Variants in COL27A1 observed in about 807,000 individuals in gnomAD.
The protein encoded by COL27A1 is collagen alpha-1(XXVII) chain.
Under a neutral mutation model 251.3 loss-of-function variants are expected in COL27A1, and 106 were observed. The ratio of observed to expected loss-of-function variants is 0.42; its 90% CI spans 0.36 to 0.50. COL27A1 has a LOEUF of 0.50. COL27A1 is among the 20% of genes least tolerant of loss of function. The probability of loss-of-function intolerance (pLI) is 0.00; values close to 1 mark genes in which losing one functional copy is unlikely to be tolerated. For synonymous variants in COL27A1, 1,000 were observed against 986.3 expected (o/e 1.01, Z -0.26); for missense variants, 2,325 against 2,522.8 (o/e 0.92, Z 1.68).
intron 19 of COL27A1, among the ~76,000 whole-genome samples, chr9:114,238,318 A>C (rs1055927958): frequency 1.3e-5 from 2 of 152,234 alleles, no homozygotes; most frequent in Non-Finnish European, 2.9e-5. Context: ...AATGTTGCGA[A>C]GCAAGCTGGC....
At chr9:114,179,270 A>G (rs1413700151) in intron 4 of COL27A1, among the ~76,000 whole-genome samples, 3 of 152,148 alleles carry the variant, frequency 2.0e-5, no homozygotes, top group Non-Finnish European at 4.4e-5. Context: ...CCCTGGGCCC[A>G]GGGCTCTGGA....
Position 114,168,982 on chromosome 9 carries a change from C to T in COL27A1, c.1427C>T (p.Thr476Ile). The stretch of plus-strand genomic sequence containing the variant: ...GCCAGTAAGCCGGCCTCTGCCCGCA[C>T]CAGCACCCACAAACCTCCCCCATTT... ...SHASKPASAR[T>I]STHKPPPFTA... Residue 476 changes from threonine (T) to isoleucine (I), a missense_variant, in exon 3 of 61, where the codon ACC becomes ATC. Coordinates refer to ENST00000356083, the MANE Select transcript of COL27A1 (RefSeq NM_032888.4). 1 of 1,614,148 alleles carries T rather than the reference C, an allele frequency of 6.2e-7. No individual in the cohort carries two copies. The highest frequency in any genetic ancestry group is 8.5e-7 in the Non-Finnish European group (1 of 1,180,026).
intron 37 of COL27A1, among the ~76,000 whole-genome samples, chr9:114,278,458 A>ATGGTGG (rs1420703634): frequency 9.0e-5 from 1 of 11,088 alleles, no homozygotes; most frequent in Non-Finnish European, 2.3e-4. Flanking sequence ...GGCACTGATG[A>ATGGTGG]TGGTGGTGGT....
rs1335391667 is a variant in COL27A1 at position 114,167,717 on chromosome 9, C to T, written c.162C>T (p.Leu54=). 1.2e-6 allele frequency: 2 copies of T among 1,613,306 alleles called. No homozygotes were observed. The highest frequency in any genetic ancestry group is 3.3e-5 in the Admixed American group (2 of 60,002). Residue 54 remains leucine, a synonymous_variant, in exon 3 of 61, where the codon CTC becomes CTT. Transcript: ENST00000356083. ...EDVDILQRLG[L]SWTKAGSPAP... Reference sequence around the variant, plus strand: ...TGGACATCCTCCAGCGGCTGGGCCTCAGCTGGACGAAGGCCGGGAGCCCTG... The same window carrying T: ...TGGACATCCTCCAGCGGCTGGGCCTTAGCTGGACGAAGGCCGGGAGCCCTG...
At chr9:114,298,380 C>T (rs760450478) in intron 49 of COL27A1, among the ~76,000 whole-genome samples, 18 of 152,196 alleles carry the variant, frequency 1.2e-4, no homozygotes, top group South Asian at 4.1e-4. Context: ...ATGCAAGTGG[C>T]CCAGAATAGC....
chr9:114,282,746 G>A (rs1376164892), intron 39 of COL27A1, among the ~76,000 whole-genome samples, 182 bp downstream of exon 39: 1 of 152,216 alleles, frequency 6.6e-6, no homozygotes, highest in Non-Finnish European at 1.5e-5. Context: ...CCTGCAGAAA[G>A]CTGCAGCCCC....
intron 24 of COL27A1, among the ~76,000 whole-genome samples, chr9:114,246,352 C>T (rs558314267): frequency 2.0e-5 from 3 of 151,100 alleles, no homozygotes; most frequent in Non-Finnish European, 3.0e-5. Context: ...GAAATCCAAA[C>T]CAGTGGCTCT....
At position 114,162,717 on chromosome 9, in the gene COL27A1, G is replaced by A. The variant is rs898329256; in HGVS notation, c.65G>A (p.Gly22Glu). Reference protein sequence around the residue: ...TAAAAAARGGGFLFSWILVSF... With the variant: ...TAAAAAARGGEFLFSWILVSF... Reference sequence around the variant, plus strand: ...TGCTTGTGTCTCCTGGTCTCTAGGGGGTTTCTCTTCTCCTGGATCTTAGTC... The same window carrying A: ...TGCTTGTGTCTCCTGGTCTCTAGGGAGTTTCTCTTCTCCTGGATCTTAGTC... The change falls in exon 2 of 61, where the codon GGG (glycine) becomes GAG (glutamate). Residue 22 changes from glycine to glutamate, a missense_variant and splice_region_variant. Coordinates refer to ENST00000356083, the MANE Select transcript of COL27A1 (RefSeq NM_032888.4). 2.5e-6 allele frequency: 4 copies of A among 1,611,804 alleles called. No homozygotes were observed. In the Admixed American group the frequency reaches 6.7e-5, roughly 27 times the overall value.
intron 2 of COL27A1, 115 bp downstream of exon 2, chr9:114,162,900 C>T (rs921986330): frequency 9.9e-6 from 7 of 709,586 alleles, no homozygotes; most frequent in Non-Finnish European, 1.7e-5. Flanking sequence ...TCAGTTTTCC[C>T]ATCAGTAGAA....
intron 37 of COL27A1, among the ~76,000 whole-genome samples, chr9:114,281,637 C>T (rs1480014880): frequency 1.3e-5 from 2 of 152,222 alleles, no homozygotes; most frequent in African/African-American, 2.4e-5. Flanking sequence ...TCGCAAGTGA[C>T]GCACAACATC....
chr9:114,250,264 G>A (rs1296539886), intron 24 of COL27A1, among the ~76,000 whole-genome samples: 5 of 152,240 alleles, frequency 3.3e-5, no homozygotes, highest in East Asian at 1.9e-4. Context: ...CGAAAGATGG[G>A]CACAGATGGC....
At chr9:114,199,690 C>G (rs1015312174) in intron 7 of COL27A1, among the ~76,000 whole-genome samples, 9 of 152,214 alleles carry the variant, frequency 5.9e-5, no homozygotes, top group African/African-American at 1.9e-4. Flanking sequence ...CCCTTCTCGG[C>G]CTCTTTGGGC....
chr9:114,171,019 A>C (rs891951875), intron 3 of COL27A1, among the ~76,000 whole-genome samples: 1 of 152,172 alleles, frequency 6.6e-6, no homozygotes, highest in Non-Finnish European at 1.5e-5. Context: ...TGGTGTGGAG[A>C]GAGGAGCGGA....
chr9:114,239,611 G>A (rs776376347), intron 19 of COL27A1, among the ~76,000 whole-genome samples: 3 of 152,134 alleles, frequency 2.0e-5, no homozygotes, highest in Non-Finnish European at 2.9e-5. Context: ...AGGTGATTCC[G>A]CTCCATGTGG....
rs1329542822 is a variant in COL27A1, at chr9:114,303,546, G to T, written c.4873-1062G>T. On this transcript the variant is annotated intron_variant, in intron 56 of 60. Transcript: ENST00000356083. ...GAGCCACCGTGGCCGGGCTACAGGT[G>T]CTTTTCATGTATTCACTCATGTGTT... 5.3e-5 allele frequency among the ~76,000 whole-genome samples: 8 copies of T among 152,224 alleles called. No individual in the cohort carries two copies. In the East Asian group the frequency reaches 1.5e-3, roughly 29 times the overall value.
intron 37 of COL27A1, among the ~76,000 whole-genome samples, chr9:114,278,451 A>G (rs1835671583): frequency 6.7e-3 from 31 of 4,638 alleles, no homozygotes; most frequent in Non-Finnish European, 7.2e-3. Flanking sequence ...ATGATGGGGC[A>G]CTGATGATGG....
intron 10 of COL27A1, among the ~76,000 whole-genome samples, chr9:114,208,262 AC>A (rs1830106617): frequency 6.6e-6 from 1 of 151,952 alleles, no homozygotes; most frequent in African/African-American, 2.4e-5. Flanking sequence ...ACATAGCGAA[AC>A]CCCGTCTCTA....
intron 7 of COL27A1, among the ~76,000 whole-genome samples, chr9:114,204,239 C>A (rs1014061912): frequency 6.6e-6 from 1 of 152,196 alleles, no homozygotes; most frequent in Non-Finnish European, 1.5e-5. Flanking sequence ...GGGACAGCAT[C>A]TAAAGCAAGC....
chr9:114,207,977 T>G (rs1040130881), intron 10 of COL27A1, among the ~76,000 whole-genome samples: 1 of 152,144 alleles, frequency 6.6e-6, no homozygotes, highest in Non-Finnish European at 1.5e-5. Flanking sequence ...CATTGGTTGC[T>G]TGTTTGAGGA....
Sources: gnomAD v4.1 joint callset for allele counts (sites outside exome capture counted in the v4.1 genomes callset) on GRCh38, gnomAD v4.1.1 for gene constraint, MANE v1.5 for transcripts, NCBI Gene and HGNC (gene_info 2026-07-23, HGNC 2026-07-21) for gene names.